Variants in ITIH6 observed in about 807,000 individuals in gnomAD.
ITIH6 encodes the protein inter-alpha-trypsin inhibitor heavy chain H6.
ITIH6 carries 60 observed loss-of-function variants against 58.2 expected under a neutral mutation model. The ratio of observed to expected loss-of-function variants is 1.03; its 90% CI spans 0.84 to 1.28. ITIH6 has a LOEUF of 1.28. Ranked by LOEUF, ITIH6 falls within the 50% of genes most tolerant of loss-of-function variation. ITIH6 has a pLI of 0.00. For synonymous variants in ITIH6, 493 were observed against 417.4 expected (o/e 1.18, Z -2.21); for missense variants, 1,290 against 1,021.1 (o/e 1.26, Z -3.59).
rs1480923907 is a variant in ITIH6, at chrX:54,757,866, CAG to C, written c.2206_2207del (p.Leu736ValfsTer14). ...ATAGAGAGCCGGGCTTCAGAGGCAA[CAG>C]AGTACCAGAATTTGAGGGCACAAGA... is the stretch of plus-strand genomic sequence containing the variant. The part of the protein sequence containing the change: ...TILVPSNSGT[L>X]LPLKPGSLSH... On this transcript the variant is annotated frameshift_variant, in exon 8 of 13. Transcript: ENST00000218436. LOFTEE classifies it high-confidence loss of function. 1 of 1,211,411 alleles carries C rather than the reference CAG, an allele frequency of 8.3e-7. No individual in the cohort carries two copies. The highest frequency in any genetic ancestry group is 1.1e-6 in the Non-Finnish European group (1 of 895,395).
At position 54,749,789 on chromosome X, in the gene ITIH6, C is replaced by T. The variant is rs1465975934; in HGVS notation, c.*106G>A. The T allele has an allele frequency of 3.5e-6, 2 of 577,234 alleles. No individual in the cohort carries two copies. Among genetic ancestry groups the T allele is most frequent in the Non-Finnish European group, 5.5e-6 (2 of 362,717 alleles). 47.6% of individuals were successfully genotyped at this position (577,234 alleles called of 1,213,427 possible). ...TAGAACATGCGTGAGTCTGTGTGTC[C>T]CTGTGTGTGCTTCCATGTCCTTGGG... is the stretch of plus-strand genomic sequence containing the variant. On this transcript the variant is annotated 3_prime_UTR_variant, in exon 13 of 13. Transcript: ENST00000218436.
rs370395334 is a variant in ITIH6 at position 54,765,310 on chromosome X, G to A, written c.904-5383C>T. Reference sequence around the variant, plus strand: ...TTGGCTTTTGTTGCCATTGCTTTTGGTGTTTTGGACATGAAGTCCTTGCCC... The same window carrying A: ...TTGGCTTTTGTTGCCATTGCTTTTGATGTTTTGGACATGAAGTCCTTGCCC... On this transcript the variant is annotated intron_variant, in intron 6 of 12. Coordinates refer to ENST00000218436, the MANE Select transcript of ITIH6 (RefSeq NM_198510.3). Among the ~76,000 whole-genome samples, 42 of 69,530 alleles carry A rather than the reference G, an allele frequency of 6.0e-4. No individual in the cohort carries two copies. The East Asian group carries it at 0.018, about 30-fold the overall frequency. The allele number at this position is 69,530 out of a possible 115,157, so 60.4% of individuals were successfully genotyped here.
chrX:54,753,599 C>T, intron 11 of ITIH6, 52 bp downstream of exon 11: 1 of 916,638 alleles, frequency 1.1e-6, no homozygotes, highest in African/African-American at 1.9e-5. Context: ...GGGGTATTGA[C>T]ATGGATATAT....
At chrX:54,763,024 A>G (rs1469208081) in intron 6 of ITIH6, among the ~76,000 whole-genome samples, 1 of 112,100 alleles carries the variant, frequency 8.9e-6, no homozygotes. Flanking sequence ...TGCTTGCTTA[A>G]GGTCATACAG....
Position 54,757,563 on chromosome X carries a change from C to A in ITIH6, c.2511G>T (p.Met837Ile), listed in dbSNP as rs768125537. 1.2e-5 allele frequency: 15 copies of A among 1,207,657 alleles called. No individual in the cohort carries two copies. The African/African-American group carries it at 1.8e-4, about 14-fold the overall frequency. ...AGAGGATTCCAGGCCCCAGGTGTGG[C>A]ATGTTGTTTCGGGTCTTGGGAGCAG... is the stretch of plus-strand genomic sequence containing the variant. ...RVPAPKTRNN[M>I]PHLGPGILLS... The change falls in exon 8 of 13, where the codon ATG (methionine) becomes ATT (isoleucine). Residue 837 changes from methionine (M) to isoleucine (I), a missense_variant. Transcript: ENST00000218436.
intron 5 of ITIH6, among the ~76,000 whole-genome samples, chrX:54,777,590 A>C (rs1226749527): frequency 9.0e-6 from 1 of 111,102 alleles, no homozygotes; most frequent in African/African-American, 3.2e-5. Context: ...CCCCTGCTTC[A>C]GGTGGCTCAC....
chrX:54,754,248 C>T (rs917041848), intron 9 of ITIH6, among the ~76,000 whole-genome samples: 2 of 111,337 alleles, frequency 1.8e-5, no homozygotes, highest in African/African-American at 6.5e-5. Context: ...TCTAGTTATC[C>T]TTCAAGGCCA....
intron 11 of ITIH6, among the ~76,000 whole-genome samples, chrX:54,752,027 C>T (rs1433418939): frequency 3.6e-5 from 4 of 111,399 alleles, no homozygotes; most frequent in Non-Finnish European, 3.8e-5. Flanking sequence ...ATGTCCATGC[C>T]ATTGTGTATA....
At chrX:54,774,635 G>T (rs1369620826) in intron 5 of ITIH6, among the ~76,000 whole-genome samples, 1 of 112,872 alleles carries the variant, frequency 8.9e-6, no homozygotes, top group Non-Finnish European at 1.9e-5. Context: ...GCTGGGAGTT[G>T]CAGGGCCTCC....
intron 5 of ITIH6, among the ~76,000 whole-genome samples, chrX:54,786,796 C>T (rs1051551559): frequency 8.1e-5 from 9 of 111,479 alleles, no homozygotes; most frequent in Non-Finnish European, 1.5e-4. Flanking sequence ...TTCTGCATCT[C>T]ACTCAGAGAC....
Position 54,790,360 on chromosome X carries a change from C to T in ITIH6, c.616+477G>A, listed in dbSNP as rs776318271. ...CTGGGCTTCCAAAACCTCTAGGTGACATTTGAAGCAAACTTCTGAGGCAGG... is the reference window on the plus strand; with the variant it reads ...CTGGGCTTCCAAAACCTCTAGGTGATATTTGAAGCAAACTTCTGAGGCAGG... On this transcript the variant is annotated intron_variant, in intron 4 of 12. Coordinates refer to ENST00000218436, the MANE Select transcript of ITIH6 (RefSeq NM_198510.3). Among the ~76,000 whole-genome samples the T allele has an allele frequency of 1.4e-3, 153 of 112,139 alleles. 2 individuals carry two copies. Among genetic ancestry groups the T allele is most frequent in the African/African-American group, 4.4e-3 (136 of 30,910 alleles).
chrX:54,792,680 G>C (rs1460460891), intron 2 of ITIH6, among the ~76,000 whole-genome samples: 2 of 111,662 alleles, frequency 1.8e-5, no homozygotes, highest in Non-Finnish European at 3.8e-5. Flanking sequence ...GGAGCTCAGA[G>C]ACTGATGAGT....
In ITIH6 at chrX:54,757,990, T is replaced by G; in HGVS notation, c.2084A>C (p.His695Pro). ...KELEPLGESP[H>P]TLSMPTYPKA... ...TGGGTATGTGGGCATTGACAGGGTA[T>G]GAGGGCTCTCTCCCAATGGCTCCAG... is the stretch of plus-strand genomic sequence containing the variant. Residue 695 changes from histidine (H) to proline (P), a missense_variant, in exon 8 of 13, where the codon CAT becomes CCT. His to Pro is a moderately conservative substitution (Grantham distance 77). Transcript: ENST00000218436. 3.3e-6 allele frequency: 4 copies of G among 1,211,854 alleles called. No individual in the cohort carries two copies. The highest frequency in any genetic ancestry group is 4.5e-6 in the Non-Finnish European group (4 of 895,525).
rs138034725 is a variant in ITIH6 at position 54,758,253 on chromosome X, T to C, written c.1821A>G (p.Ser607=). The change falls in exon 8 of 13, where the codon TCA becomes TCG. Residue 607 remains serine, a synonymous_variant. Coordinates refer to ENST00000218436, the MANE Select transcript of ITIH6 (RefSeq NM_198510.3). ...LEYNFVTPLT[S]LVMVQPKQAS... ...CCTGTTTGGGTTGCACCATGACCAG[T>C]GAAGTCAGAGGTGTGACAAAGTTGT... is the stretch of plus-strand genomic sequence containing the variant. The C allele has an allele frequency of 1.7e-5, 20 of 1,209,140 alleles. No individual in the cohort carries two copies. The highest frequency in any genetic ancestry group is 2.2e-5 in the Non-Finnish European group (20 of 894,754).
intron 7 of ITIH6, 29 bp from the exon 8 acceptor site, chrX:54,759,027 C>A: frequency 9.6e-7 from 1 of 1,046,993 alleles, no homozygotes; most frequent in Non-Finnish European, 1.3e-6. Flanking sequence ...GTGAGACCAT[C>A]TTCTCTGGTC....
intron 5 of ITIH6, among the ~76,000 whole-genome samples, chrX:54,785,524 A>G (rs1929226326): frequency 9.0e-6 from 1 of 111,087 alleles, no homozygotes; most frequent in South Asian, 3.9e-4. Flanking sequence ...TAACAACTTT[A>G]CTAAAAAACA....
In ITIH6 at chrX:54,758,943, G is replaced by T. The variant is rs756726860; in HGVS notation, c.1131C>A (p.Asn377Lys). Reference sequence around the variant, plus strand: ...CACTGGGGCCCCTCCCAGGCTCCTGGTTGCTATGGTTCAGCACTGAAGCAG... The same window carrying T: ...CACTGGGGCCCCTCCCAGGCTCCTGTTTGCTATGGTTCAGCACTGAAGCAG... Reference protein sequence around the residue: ...LAAASVLNHSNQEPGRGPSVG... With the variant: ...LAAASVLNHSKQEPGRGPSVG... The change falls in exon 8 of 13, where the codon AAC becomes AAA. Residue 377 changes from asparagine to lysine, a missense_variant. Physicochemically the swap from Asn to Lys is moderately conservative, Grantham distance 94 (BLOSUM62 0). Transcript: ENST00000218436. 5.0e-6 allele frequency: 6 copies of T among 1,198,551 alleles called. No individual in the cohort carries two copies. The highest frequency in any genetic ancestry group is 2.3e-4 in the Middle Eastern group (1 of 4,278).
chrX:54,767,816 T>C (rs2147608922), intron 6 of ITIH6, among the ~76,000 whole-genome samples: 1 of 87,447 alleles, frequency 1.1e-5, no homozygotes, highest in East Asian at 3.6e-4. Context: ...TCCAACTATG[T>C]GGTCAATTTT....
At chrX:54,760,585 C>T (rs1205624800) in intron 6 of ITIH6, among the ~76,000 whole-genome samples, 2 of 111,274 alleles carry the variant, frequency 1.8e-5, no homozygotes, top group East Asian at 5.6e-4. Flanking sequence ...GCTATCCTTC[C>T]CCCCGCCCCA....
Sources: gnomAD v4.1 joint callset for allele counts (sites outside exome capture counted in the v4.1 genomes callset) on GRCh38, gnomAD v4.1.1 for gene constraint, MANE v1.5 for transcripts, NCBI Gene and HGNC (gene_info 2026-07-23, HGNC 2026-07-21) for gene names.